FRMD4A: variants seen among roughly 807,000 people sequenced by gnomAD.
FRMD4A encodes the protein FERM domain containing 4A, also known as FERM domain-containing protein 4A.
In FRMD4A, 29 loss-of-function variants were observed where a neutral mutation model predicts 129.1. That is an observed-to-expected ratio of 0.22 (90% CI 0.17 to 0.31). FRMD4A has a LOEUF of 0.31. FRMD4A is among the 10% of genes least tolerant of loss of function. The pLI, the probability that FRMD4A is intolerant of heterozygous loss-of-function variation, is 1.00. For synonymous variants in FRMD4A, 634 were observed against 571.6 expected (o/e 1.11, Z -1.56); for missense variants, 1,272 against 1,375.8 (o/e 0.92, Z 1.19).
At chr10:14,150,551 C>G (rs562750237) in intron 2 of FRMD4A, among the ~76,000 whole-genome samples, 5 of 152,180 alleles carry the variant, frequency 3.3e-5, no homozygotes, top group Admixed American at 2.0e-4. Context: ...CAGCCTCCCC[C>G]AATCCTGCCT....
chr10:13,900,958 C>T (rs1005151967), intron 2 of FRMD4A, among the ~76,000 whole-genome samples: 3 of 152,128 alleles, frequency 2.0e-5, no homozygotes, highest in African/African-American at 7.2e-5. Context: ...TTACCAAGTG[C>T]CAGGTACTGA....
chr10:13,824,257 C>A (rs538155735), intron 3 of FRMD4A, among the ~76,000 whole-genome samples: 1 of 141,102 alleles, frequency 7.1e-6, no homozygotes, highest in East Asian at 2.2e-4. Flanking sequence ...GAGGGTGAAT[C>A]ATGAGGTCAG....
intron 2 of FRMD4A, among the ~76,000 whole-genome samples, chr10:14,096,153 C>T (rs1008837589): frequency 6.6e-5 from 10 of 152,158 alleles, no homozygotes; most frequent in African/African-American, 2.2e-4. Flanking sequence ...CTGATTAGAT[C>T]ATGAAAGTGG....
At chr10:13,698,430 C>T (rs2086448011) in intron 14 of FRMD4A, among the ~76,000 whole-genome samples, 1 of 152,194 alleles carries the variant, frequency 6.6e-6, no homozygotes, top group African/African-American at 2.4e-5. Context: ...ATCACTCACC[C>T]AGAGGCCGTG....
rs117362358 is a variant in FRMD4A at position 13,647,011 on chromosome 10, C to T, written c.*27G>A. 51,257 of 975,532 alleles carry T rather than the reference C, an allele frequency of 0.053. 1,500 individuals are homozygous for T. The highest frequency in any genetic ancestry group is 0.058 in the Non-Finnish European group (47,403 of 820,474). The allele number at this position is 975,532 out of a possible 1,614,324, so 60.4% of individuals were successfully genotyped here. ...CTAGTTCTGGATAGAGGGAGGAATC[C>T]AGGAAACAGCTATCATTGTAGCTCC... On this transcript the variant is annotated 3_prime_UTR_variant, in exon 25 of 25. Coordinates refer to ENST00000357447, the MANE Select transcript of FRMD4A (RefSeq NM_018027.5).
chr10:14,047,600 C>G (rs1834043238), intron 2 of FRMD4A, among the ~76,000 whole-genome samples: 1 of 152,164 alleles, frequency 6.6e-6, no homozygotes, highest in South Asian at 2.1e-4. Flanking sequence ...CCTCCTGTTC[C>G]CAGAACCCAA....
intron 2 of FRMD4A, among the ~76,000 whole-genome samples, chr10:13,972,534 C>T (rs1444776305): frequency 1.3e-5 from 2 of 152,102 alleles, no homozygotes; most frequent in African/African-American, 4.8e-5. Context: ...GTCAACCTAT[C>T]CCGTTTTTTT....
chr10:14,318,887 A>G (rs1242811023), intron 2 of FRMD4A, among the ~76,000 whole-genome samples: 1 of 152,152 alleles, frequency 6.6e-6, no homozygotes, highest in Non-Finnish European at 1.5e-5. Context: ...AACCAAGGAA[A>G]TGCAACAGGA....
At chr10:13,697,669 T>C (rs182632638) in intron 14 of FRMD4A, among the ~76,000 whole-genome samples, 186 of 152,142 alleles carry the variant, frequency 1.2e-3, no homozygotes, top group African/African-American at 4.2e-3. Flanking sequence ...AAAGCTTCAA[T>C]GTCCCTGTCC....
intron 15 of FRMD4A, chr10:13,693,423 C>A: frequency 1.3e-6 from 1 of 743,510 alleles, no homozygotes; most frequent in South Asian, 2.4e-5. Flanking sequence ...ATGGAGAAAT[C>A]ATGCCCTGCG....
At chr10:14,137,318 C>A (rs1413584082) in intron 2 of FRMD4A, among the ~76,000 whole-genome samples, 1 of 152,236 alleles carries the variant, frequency 6.6e-6, no homozygotes, top group African/African-American at 2.4e-5. Flanking sequence ...TACACACAAG[C>A]ACATAGAGCT....
intron 2 of FRMD4A, among the ~76,000 whole-genome samples, chr10:14,213,861 G>A (rs1842997035): frequency 6.6e-6 from 1 of 152,232 alleles, no homozygotes; most frequent in Admixed American, 6.5e-5. Flanking sequence ...TAGTGAATAA[G>A]TCTCCTGAGA....
At chr10:13,890,456 G>A in intron 2 of FRMD4A, 2 of 877,102 alleles carry the variant, frequency 2.3e-6, no homozygotes, top group Non-Finnish European at 2.7e-6. Context: ...GATCAGTGAT[G>A]CTGTTGGAAA....
chr10:13,841,343 A>C (rs2093962097), intron 3 of FRMD4A, among the ~76,000 whole-genome samples: 1 of 152,194 alleles, frequency 6.6e-6, no homozygotes, highest in Non-Finnish European at 1.5e-5. Flanking sequence ...TAATAGGATT[A>C]TCTTTGTTAT....
chr10:13,871,416 TA>T (rs34510743), intron 2 of FRMD4A, among the ~76,000 whole-genome samples: 15 of 152,004 alleles, frequency 9.9e-5, no homozygotes, highest in Non-Finnish European at 1.5e-5. Flanking sequence ...TGTTCCTTTT[TA>T]AAAAAAATCT....
At chr10:13,901,728 G>A (rs2094821787) in intron 2 of FRMD4A, among the ~76,000 whole-genome samples, 1 of 152,116 alleles carries the variant, frequency 6.6e-6, no homozygotes, top group Non-Finnish European at 1.5e-5. Flanking sequence ...TCTCAAGTGA[G>A]CAATAGGACT....
intron 2 of FRMD4A, among the ~76,000 whole-genome samples, chr10:13,933,807 C>A (rs932300133): frequency 6.6e-6 from 1 of 152,148 alleles, no homozygotes; most frequent in Admixed American, 6.6e-5. Flanking sequence ...AGCAGCTTCC[C>A]CAAGGACTTG....
At chr10:13,890,474 CT>C in intron 2 of FRMD4A, 1 of 953,866 alleles carries the variant, frequency 1.0e-6, no homozygotes, top group Non-Finnish European at 1.2e-6. Context: ...AAAAGGACGA[CT>C]TACGGATGCA....
intron 2 of FRMD4A, among the ~76,000 whole-genome samples, chr10:14,124,559 T>G (rs1838723291): frequency 6.6e-6 from 1 of 152,038 alleles, no homozygotes; most frequent in Non-Finnish European, 1.5e-5. Flanking sequence ...ACCTGTAATC[T>G]CAGCTACTCA....
Sources: allele counts gnomAD v4.1 joint callset (sites outside exome capture counted in the v4.1 genomes callset), GRCh38; gene constraint gnomAD v4.1.1; transcripts MANE v1.5; gene names NCBI Gene and HGNC (gene_info 2026-07-23, HGNC 2026-07-21).